Variants in DLGAP1 observed in about 807,000 individuals in gnomAD.
The protein encoded by DLGAP1 is disks large-associated protein 1.
DLGAP1 carries 11 observed loss-of-function variants against 90.8 expected under a neutral mutation model. That is an observed-to-expected ratio of 0.12 (90% confidence interval 0.08 to 0.20). The LOEUF (loss-of-function observed/expected upper bound fraction) is 0.20. DLGAP1 is among the 10% of genes least tolerant of loss of function. The pLI is 1.00. For missense variants in DLGAP1, 1,050 were observed against 1,333.8 expected (o/e 0.79, Z 3.31); for synonymous variants, 558 against 540.7 (o/e 1.03, Z -0.44).
At chr18:4,075,100 C>A (rs542540033) in intron 2 of DLGAP1, among the ~76,000 whole-genome samples, 2 of 152,254 alleles carry the variant, frequency 1.3e-5, no homozygotes, top group African/African-American at 4.8e-5. Context: ...CTGAAATTCA[C>A]CAATAGGATT....
In DLGAP1 at chr18:3,879,306, T is replaced by C. The variant is rs748648214; in HGVS notation, c.763A>G (p.Asn255Asp). The change falls in exon 4 of 13, where the codon AAC becomes GAC. Residue 255 changes from asparagine (N) to aspartate (D), a missense_variant. Physicochemically the swap from Asn to Asp is conservative, Grantham distance 23 (BLOSUM62 1). This residue lies in a region of DLGAP1 where 485 missense variants were observed against 454.1 expected (regional missense o/e 1.07). Coordinates refer to ENST00000315677, the MANE Select transcript of DLGAP1 (RefSeq NM_004746.4). The surrounding 1 kb of genome is among the most constrained non-coding windows in gnomAD (Gnocchi z 6.6). ...GCGCAGGTGGAGCACTTGACGTCGTTGTTGCTCCGGGAGGCCTTCACCGCC... is the reference window on the plus strand; with the variant it reads ...GCGCAGGTGGAGCACTTGACGTCGTCGTTGCTCCGGGAGGCCTTCACCGCC... ...EQAVKASRSNNDVKCSTCANL... is the reference protein window; with the variant it reads ...EQAVKASRSNDDVKCSTCANL... 3 of 1,598,072 alleles carry C rather than the reference T, an allele frequency of 1.9e-6. No individual in the cohort carries two copies. Among genetic ancestry groups the C allele is most frequent in the Non-Finnish European group, 2.6e-6 (3 of 1,171,736 alleles).
At chr18:4,261,010 A>G (rs2078992156) in intron 1 of DLGAP1, among the ~76,000 whole-genome samples, 1 of 145,828 alleles carries the variant, frequency 6.9e-6, no homozygotes, top group African/African-American at 2.8e-5. Flanking sequence ...TAATGAAATG[A>G]GAGTGTGTAA....
chr18:3,985,013 C>T (rs1265905073), intron 3 of DLGAP1, among the ~76,000 whole-genome samples: 1 of 152,152 alleles, frequency 6.6e-6, no homozygotes, highest in African/African-American at 2.4e-5. Flanking sequence ...TTGTTAAAGC[C>T]ATTGTCCCTT....
intron 1 of DLGAP1, among the ~76,000 whole-genome samples, chr18:4,432,929 TA>T (rs145287520): frequency 1.3e-5 from 2 of 151,864 alleles, no homozygotes; most frequent in Admixed American, 6.6e-5. Context: ...TAGGTCTTTT[TA>T]AAAAAAACAC....
At chr18:4,054,435 TC>T (rs1208747035) in intron 2 of DLGAP1, among the ~76,000 whole-genome samples, 2 of 152,230 alleles carry the variant, frequency 1.3e-5, no homozygotes, top group African/African-American at 4.8e-5. Context: ...ATGGATAAGA[TC>T]ACAGTTCATT....
intron 1 of DLGAP1, among the ~76,000 whole-genome samples, chr18:4,298,267 GA>G (rs1335638778): frequency 2.0e-5 from 3 of 152,070 alleles, no homozygotes; most frequent in Non-Finnish European, 2.9e-5. Flanking sequence ...TTGCTTGAAA[GA>G]AAATTTGCGT....
chr18:3,628,579 C>T (rs1308128831), intron 7 of DLGAP1, among the ~76,000 whole-genome samples: 1 of 152,140 alleles, frequency 6.6e-6, no homozygotes, highest in Non-Finnish European at 1.5e-5. Context: ...TCACATTCCC[C>T]GTGCATCTTT....
At chr18:3,982,003 A>G (rs951190736) in intron 3 of DLGAP1, among the ~76,000 whole-genome samples, 3 of 152,178 alleles carry the variant, frequency 2.0e-5, no homozygotes, top group Non-Finnish European at 2.9e-5. Flanking sequence ...GATGGGTAAA[A>G]GTAAAATGCA....
chr18:3,719,454 G>A (rs1054563908), intron 7 of DLGAP1, among the ~76,000 whole-genome samples: 4 of 151,434 alleles, frequency 2.6e-5, no homozygotes, highest in Admixed American at 1.3e-4. Context: ...GCTACTAGGA[G>A]GCTGAGGCAG....
At chr18:4,419,787 T>C (rs1379447328) in intron 1 of DLGAP1, among the ~76,000 whole-genome samples, 1 of 151,808 alleles carries the variant, frequency 6.6e-6, no homozygotes, top group African/African-American at 2.4e-5. Flanking sequence ...GAGTAAATAA[T>C]ATAGGGAAAA....
In DLGAP1 at chr18:4,337,762, T is replaced by C. The variant is rs372439924; in HGVS notation, c.-267+117244A>G. 3.2e-4 allele frequency among the ~76,000 whole-genome samples: 49 copies of C among 152,274 alleles called. No individual in the cohort carries two copies. In the East Asian group the frequency reaches 8.7e-3, roughly 27 times the overall value. ...ATCACTGAGAACATTACTGGCAGTA[T>C]TGGAATATTTGAATCAAACCGCTAC... On this transcript the variant is annotated intron_variant, in intron 1 of 12. Transcript: ENST00000315677.
intron 1 of DLGAP1, among the ~76,000 whole-genome samples, chr18:4,395,657 G>A (rs2082425354): frequency 1.3e-5 from 2 of 152,276 alleles, no homozygotes; most frequent in South Asian, 4.1e-4. Context: ...CATCTTTTGA[G>A]AGCCAAATAA....
intron 5 of DLGAP1, among the ~76,000 whole-genome samples, chr18:3,746,530 GT>G (rs2063277448): frequency 6.6e-6 from 1 of 152,082 alleles, no homozygotes; most frequent in Admixed American, 6.6e-5. Flanking sequence ...AAGAAAAATA[GT>G]CATTGTGTAT....
At chr18:3,821,914 G>T in intron 4 of DLGAP1, 1 of 984,980 alleles carries the variant, frequency 1.0e-6, no homozygotes, top group Non-Finnish European at 1.2e-6. Flanking sequence ...CATCTTCTTT[G>T]CAGCTGGGAG....
chr18:4,227,282 C>T (rs932216661), intron 1 of DLGAP1, among the ~76,000 whole-genome samples: 2 of 151,878 alleles, frequency 1.3e-5, no homozygotes, highest in African/African-American at 4.8e-5. Flanking sequence ...CCACTTTCAG[C>T]CTTGGACAGA....
At chr18:3,985,521 C>CT (rs35320019) in intron 3 of DLGAP1, among the ~76,000 whole-genome samples, 208 of 145,740 alleles carry the variant, frequency 1.4e-3, no homozygotes, top group East Asian at 1.8e-3. Context: ...CTTCGACTTA[C>CT]TTTTTTTTTT....
At chr18:4,022,317 C>T (rs1262396584) in intron 2 of DLGAP1, among the ~76,000 whole-genome samples, 3 of 150,602 alleles carry the variant, frequency 2.0e-5, no homozygotes, top group Non-Finnish European at 4.4e-5. Flanking sequence ...TGTCTCTAAT[C>T]TCACAGCCCC....
intron 3 of DLGAP1, among the ~76,000 whole-genome samples, chr18:3,885,902 G>A (rs1253721520): frequency 1.3e-5 from 2 of 152,172 alleles, no homozygotes; most frequent in East Asian, 3.9e-4. Context: ...ATCCAGCACT[G>A]TAAAGGAAAT....
intron 1 of DLGAP1, among the ~76,000 whole-genome samples, chr18:4,409,074 T>C (rs544714556): frequency 6.6e-6 from 1 of 152,054 alleles, no homozygotes; most frequent in African/African-American, 2.4e-5. Flanking sequence ...TAAATTATAA[T>C]ATTATGATAT....
Sources: allele counts gnomAD v4.1 joint callset (sites outside exome capture counted in the v4.1 genomes callset), GRCh38; gene constraint gnomAD v4.1.1; regional missense constraint gnomAD v4.1.1; non-coding constraint Gnocchi (gnomAD v3.1); transcripts MANE v1.5; gene names NCBI Gene and HGNC (gene_info 2026-07-23, HGNC 2026-07-21).